Variants in IWS1 observed in about 807,000 individuals in gnomAD.
IWS1 encodes the protein protein IWS1 homolog.
In IWS1, 27 loss-of-function variants were observed where a neutral mutation model predicts 86.7. That is an observed-to-expected ratio of 0.31 (90% CI 0.23 to 0.43). IWS1 has a LOEUF of 0.43. Among genes scored for constraint, IWS1 ranks in the 20% least tolerant of loss-of-function variants. The probability of loss-of-function intolerance (pLI) is 1.00; values close to 1 mark genes in which losing one functional copy is unlikely to be tolerated. For missense variants in IWS1, 827 were observed against 1,000.8 expected, an observed-to-expected ratio of 0.83 and a Z score of 2.34; for synonymous variants, 313 against 335.1, an observed-to-expected ratio of 0.93 and a Z score of 0.72.
rs575738455 is a variant in IWS1 at position 127,496,439 on chromosome 2, T to C, written c.1566-291A>G. ...ACAGTGTTTATAAAGCCTATGGTAGTGTACAGTAATGTCCCAGGCCTTCAC... is the reference window on the plus strand; with the variant it reads ...ACAGTGTTTATAAAGCCTATGGTAGCGTACAGTAATGTCCCAGGCCTTCAC... On this transcript the variant is annotated intron_variant, in intron 6 of 13. Coordinates refer to ENST00000295321, the MANE Select transcript of IWS1 (RefSeq NM_017969.3). Among the ~76,000 whole-genome samples, 18 of 152,234 alleles carry C rather than the reference T, an allele frequency of 1.2e-4. No individual in the cohort carries two copies. In the East Asian group the frequency reaches 3.5e-3, roughly 29 times the overall value.
chr2:127,505,501 T>A lies in IWS1; in HGVS notation c.402A>T (p.Glu134Asp). Residue 134 changes from glutamate to aspartate, a missense_variant, in exon 3 of 14, where the codon GAA (glutamate) becomes GAT (aspartate). Transcript: ENST00000295321. This position sits in a 1 kb window ranked among gnomAD's most constrained non-coding sequence, Gnocchi z 5.0. ...CATGCCCATTAAGAAGTTCCTCATT[T>A]TCAGAGTCACTACCAGGTAATTTCC... The part of the protein sequence containing the change: ...ETRKLPGSDS[E>D]NEELLNGHAS... The A allele has an allele frequency of 1.9e-6, 3 of 1,614,144 alleles. No individual in the cohort carries two copies. The highest frequency in any genetic ancestry group is 2.5e-6 in the Non-Finnish European group (3 of 1,180,018).
At chr2:127,483,591 T>TGGGGGGGGGGGGTTGGGGGGGGGGG (rs1187157658) in intron 13 of IWS1, among the ~76,000 whole-genome samples, 1 of 17,520 alleles carries the variant, frequency 5.7e-5, no homozygotes, top group African/African-American at 2.4e-4. Context: ...GGTGGTGGGG[T>TGGGGGGGGGGGGTTGGGGGGGGGGG]GGGGGGGTTG....
chr2:127,486,927 A>T (rs1689960283), intron 12 of IWS1, among the ~76,000 whole-genome samples: 1 of 152,062 alleles, frequency 6.6e-6, no homozygotes, highest in African/African-American at 2.4e-5. Context: ...TCCTCTCCTC[A>T]GCTTCAGATA....
In IWS1 at chr2:127,505,632, T is replaced by C; in HGVS notation, c.271A>G (p.Lys91Glu). ...TCCTCAGATTCAGAGTCGCTGTCCT[T>C]TTGCCTGTGAAGCTCCTCACTTTCA... The part of the protein sequence containing the change: ...DSESEELHRQ[K>E]DSDSESEERA... Residue 91 changes from lysine (K) to glutamate (E), a missense_variant, in exon 3 of 14, where the codon AAG becomes GAG. Lys to Glu is a moderately conservative substitution (Grantham distance 56). Transcript: ENST00000295321. This position sits in a 1 kb window ranked among gnomAD's most constrained non-coding sequence, Gnocchi z 5.0. 1 of 1,612,900 alleles carries C rather than the reference T, an allele frequency of 6.2e-7. No individual in the cohort carries two copies. Among genetic ancestry groups the C allele is most frequent in the South Asian group, 1.1e-5 (1 of 90,978 alleles).
At chr2:127,497,108 C>T (rs1489809756) in intron 6 of IWS1, among the ~76,000 whole-genome samples, 1 of 107,850 alleles carries the variant, frequency 9.3e-6, no homozygotes, top group African/African-American at 2.6e-5. Context: ...CAGAATATAT[C>T]CCTGTTGTTA....
intron 5 of IWS1, chr2:127,501,927 G>C (rs1418604347): frequency 1.3e-5 from 2 of 151,808 alleles, no homozygotes; most frequent in Non-Finnish European, 2.9e-5. Context: ...TTCCAAATTT[G>C]CCTTCTTTTT....
chr2:127,488,045 A>G (rs1690026383), intron 12 of IWS1: 1 of 152,554 alleles, frequency 6.6e-6, no homozygotes, highest in South Asian at 2.1e-4. Flanking sequence ...CACCTGCACA[A>G]AGCCCTCTGC....
At chr2:127,482,005 A>G (rs530166095) in intron 13 of IWS1, among the ~76,000 whole-genome samples, 1 of 152,330 alleles carries the variant, frequency 6.6e-6, no homozygotes, top group South Asian at 2.1e-4. Flanking sequence ...ACTGCCTTGC[A>G]AAGATGTGGT....
At chr2:127,494,245 TA>T (rs11327472) in intron 8 of IWS1, among the ~76,000 whole-genome samples, 54,172 of 94,042 alleles carry the variant, frequency 0.58, 14,755 homozygotes, top group East Asian at 0.94. Context: ...TGTCTCTAAT[TA>T]AAAAAAAAAA....
chr2:127,483,320 G>A (rs887078859), intron 13 of IWS1, among the ~76,000 whole-genome samples: 3 of 151,952 alleles, frequency 2.0e-5, no homozygotes, highest in African/African-American at 4.8e-5. Flanking sequence ...ATAAACGAAC[G>A]AATAAACACA....
In IWS1 at chr2:127,505,650, C is replaced by G; in HGVS notation, c.253G>C (p.Glu85Gln). ...CTGTCCTTTTGCCTGTGAAGCTCCT[C>G]ACTTTCAGAGTCACTAGCATTAAGA... is the stretch of plus-strand genomic sequence containing the variant. The part of the protein sequence containing the change: ...LNLNASDSES[E>Q]ELHRQKDSDS... The change falls in exon 3 of 14, where the codon GAG (glutamate) becomes CAG (glutamine). Residue 85 changes from glutamate (E) to glutamine (Q), a missense_variant. This residue lies in a region of IWS1 where 548 missense variants were observed against 560.2 expected (regional missense o/e 0.98). Coordinates refer to ENST00000295321, the MANE Select transcript of IWS1 (RefSeq NM_017969.3). This position sits in a 1 kb window ranked among gnomAD's most constrained non-coding sequence, Gnocchi z 5.0. 6.2e-7 allele frequency: 1 copy of G among 1,614,070 alleles called. No homozygotes were observed. The highest frequency in any genetic ancestry group is 8.5e-7 in the Non-Finnish European group (1 of 1,180,004).
intron 10 of IWS1, 76 bp downstream of exon 10, chr2:127,491,895 T>C (rs1690247296): frequency 1.1e-6 from 1 of 871,116 alleles, no homozygotes; most frequent in South Asian, 1.4e-5. Context: ...CTGGTAAAAA[T>C]ACAGCTTTTA....
At chr2:127,526,682 CATT>C, upstream of IWS1, 1 of 1,311,264 alleles carries the variant, frequency 7.6e-7, no homozygotes, top group African/African-American at 1.5e-5. Context: ...ATAACGTTAT[CATT>C]GATTCTTTAT....
Position 127,481,005 on chromosome 2 carries a change from A to G in IWS1, c.*39T>C. 1 of 1,575,808 alleles carries G rather than the reference A, an allele frequency of 6.3e-7. No individual in the cohort carries two copies. On this transcript the variant is annotated 3_prime_UTR_variant, in exon 14 of 14. Transcript: ENST00000295321. ...TCTTTCTCCAAAGAGTCCATTGCGC[A>G]TTTCTTAGAGTAGAGATGGGGACAC...
At chr2:127,481,264 C>T in intron 13 of IWS1, 89 bp from the exon 14 acceptor site, 1 of 1,230,332 alleles carries the variant, frequency 8.1e-7, no homozygotes, top group Non-Finnish European at 1.1e-6. Context: ...AGTTAGCAAC[C>T]AGAAGAGCTT....
Position 127,491,947 on chromosome 2 carries a change from AAAC to A in IWS1, c.2047+21_2047+23del, listed in dbSNP as rs769967401. On this transcript the variant is annotated intron_variant, in intron 10 of 13. Transcript: ENST00000295321. The stretch of plus-strand genomic sequence containing the variant: ...TCTTATCTATACACATAAACACAAC[AAAC>A]AAAAAGGAAAATTTACATACTGATT... 6 of 1,464,546 alleles carry A rather than the reference AAAC, an allele frequency of 4.1e-6. No homozygotes were observed. The South Asian group carries it at 6.8e-5, about 17-fold the overall frequency. 90.7% of individuals were successfully genotyped at this position (1,464,546 alleles called of 1,614,324 possible).
At chr2:127,502,642 T>A in intron 5 of IWS1, 173 bp downstream of exon 5, 1 of 414,608 alleles carries the variant, frequency 2.4e-6, no homozygotes. Flanking sequence ...TCCTTTTATG[T>A]CTTTGTATAT....
In IWS1 at chr2:127,489,892, G is replaced by A. The variant is rs1690132814; in HGVS notation, c.2099C>T (p.Thr700Ile). ...FGLTSNYKGM[T>I]REEREQRDLE... ...ATCTCTCTGCTCCCTTTCTTCTCTT[G>A]TCATTCCTTTGTAGTTTGAGGTAAG... Residue 700 changes from threonine to isoleucine, a missense_variant, in exon 11 of 14, where the codon ACA becomes ATA. By Grantham distance (89) the Thr-to-Ile change is moderately conservative. Coordinates refer to ENST00000295321, the MANE Select transcript of IWS1 (RefSeq NM_017969.3). This position sits in a 1 kb window ranked among gnomAD's most constrained non-coding sequence, Gnocchi z 4.8. The A allele has an allele frequency of 1.9e-6, 3 of 1,612,770 alleles. No homozygotes were observed. Among genetic ancestry groups the A allele is most frequent in the Non-Finnish European group, 2.5e-6 (3 of 1,178,908 alleles).
At chr2:127,522,109 A>G (rs998793246) in intron 2 of IWS1, among the ~76,000 whole-genome samples, 1 of 152,220 alleles carries the variant, frequency 6.6e-6, no homozygotes, top group East Asian at 1.9e-4. Context: ...ATAAAAGATG[A>G]GCCTTTTCCA....
Sources: allele counts gnomAD v4.1 joint callset (sites outside exome capture counted in the v4.1 genomes callset), GRCh38; gene constraint gnomAD v4.1.1; regional missense constraint gnomAD v4.1.1; non-coding constraint Gnocchi (gnomAD v3.1); transcripts MANE v1.5; gene names NCBI Gene and HGNC (gene_info 2026-07-23, HGNC 2026-07-21).